Variants in TRABD2B observed in about 807,000 individuals in gnomAD.
TRABD2B encodes metalloprotease TIKI2.
TRABD2B carries 14 observed loss-of-function variants against 40.1 expected under a neutral mutation model. The ratio of observed to expected loss-of-function variants is 0.35; its 90% CI spans 0.23 to 0.55. The LOEUF is 0.55. Ranked by LOEUF, TRABD2B falls within the 20% of genes least tolerant of loss-of-function variation. The pLI, the probability that TRABD2B is intolerant of heterozygous loss-of-function variation, is 0.90. For synonymous variants in TRABD2B, 263 were observed against 277.0 expected (o/e 0.95, Z 0.50); for missense variants, 541 against 648.6 (o/e 0.83, Z 1.80).
intron 2 of TRABD2B, among the ~76,000 whole-genome samples, chr1:47,831,267 A>G (rs1465875790): frequency 6.6e-6 from 1 of 152,058 alleles, no homozygotes; most frequent in Non-Finnish European, 1.5e-5. Flanking sequence ...GGAGAGCAGA[A>G]TTATTAATAG....
At chr1:47,844,084 C>G (rs1412023755) in intron 2 of TRABD2B, among the ~76,000 whole-genome samples, 1 of 152,214 alleles carries the variant, frequency 6.6e-6, no homozygotes, top group Non-Finnish European at 1.5e-5. Context: ...GCCAAGTGCA[C>G]TGTGTTTGCT....
intron 2 of TRABD2B, among the ~76,000 whole-genome samples, chr1:47,874,570 C>CG: frequency 1.1e-5 from 1 of 89,278 alleles, no homozygotes; most frequent in African/African-American, 4.2e-5. Flanking sequence ...CCGCGCCCGG[C>CG]CTTTTTTTTT....
At chr1:47,866,138 T>G (rs1644054087) in intron 2 of TRABD2B, among the ~76,000 whole-genome samples, 1 of 151,914 alleles carries the variant, frequency 6.6e-6, no homozygotes, top group South Asian at 2.1e-4. Context: ...GCCCTGTCCA[T>G]GTGCTTGGCA....
chr1:47,993,954 C>T, intron 2 of TRABD2B, 80 bp downstream of exon 2: 6 of 1,397,866 alleles, frequency 4.3e-6, no homozygotes, highest in Non-Finnish European at 5.7e-6. Flanking sequence ...CCCCCTCCCC[C>T]TCGGAGAAGA....
chr1:47,794,895 C>T (rs1167899079), intron 3 of TRABD2B, 135 bp from the exon 4 acceptor site: 21 of 786,748 alleles, frequency 2.7e-5, no homozygotes, highest in Non-Finnish European at 3.8e-5. Context: ...ATCCTCCTGC[C>T]TCAGCCTCCC....
chr1:47,842,450 A>AG (rs900021849), intron 2 of TRABD2B, among the ~76,000 whole-genome samples: 2 of 152,072 alleles, frequency 1.3e-5, no homozygotes, highest in Non-Finnish European at 1.5e-5. Context: ...ATACCCTCCC[A>AG]GGGGGGAGGA....
At position 47,996,572 on chromosome 1, in the gene TRABD2B, G is replaced by A; in HGVS notation, c.102+116C>T. On this transcript the variant is annotated intron_variant, in intron 1 of 6. Coordinates refer to ENST00000606738, the MANE Select transcript of TRABD2B (RefSeq NM_001194986.2). This position sits in a 1 kb window ranked among gnomAD's most constrained non-coding sequence, Gnocchi z 4.6. ...AAGGGCGCCCGAGGCTGCGCCCGGG[G>A]GGTGGAGGTGGAGCGGGCGGGCTAA... 1 of 1,124,016 alleles carries A rather than the reference G, an allele frequency of 8.9e-7. No homozygotes were observed. The highest frequency in any genetic ancestry group is 1.1e-6 in the Non-Finnish European group (1 of 905,142). The allele number at this position is 1,124,016 out of a possible 1,614,324, so 69.6% of individuals were successfully genotyped here.
chr1:47,772,703 C>A (rs1428391282), intron 6 of TRABD2B, among the ~76,000 whole-genome samples: 2 of 152,138 alleles, frequency 1.3e-5, no homozygotes, highest in Admixed American at 1.3e-4. Context: ...GAGCTCTCAT[C>A]TGCTTCTCTT....
At chr1:47,902,573 T>C (rs1321078839) in intron 2 of TRABD2B, among the ~76,000 whole-genome samples, 1 of 152,228 alleles carries the variant, frequency 6.6e-6, no homozygotes, top group East Asian at 1.9e-4. Flanking sequence ...CATAGCTCAC[T>C]GCAGCTTTGA....
intron 2 of TRABD2B, among the ~76,000 whole-genome samples, chr1:47,874,193 A>G (rs1644185216): frequency 6.6e-6 from 1 of 152,094 alleles, no homozygotes; most frequent in African/African-American, 2.4e-5. Flanking sequence ...CTTAGAGATA[A>G]AAGAATTCAA....
chr1:47,865,030 G>A (rs529912997), intron 2 of TRABD2B, among the ~76,000 whole-genome samples: 1 of 150,894 alleles, frequency 6.6e-6, no homozygotes, highest in African/African-American at 2.4e-5. Flanking sequence ...TTGGGGTGGG[G>A]TGGGGTGGGG....
At chr1:47,825,896 G>A (rs919873425) in intron 2 of TRABD2B, among the ~76,000 whole-genome samples, 12 of 152,216 alleles carry the variant, frequency 7.9e-5, no homozygotes, top group Admixed American at 5.2e-4. Flanking sequence ...CTAACTTGCT[G>A]TGTGGAACTG....
At chr1:47,903,100 T>TCC (rs1341606740) in intron 2 of TRABD2B, among the ~76,000 whole-genome samples, 1 of 152,166 alleles carries the variant, frequency 6.6e-6, no homozygotes, top group Non-Finnish European at 1.5e-5. Context: ...CCTCCTCCTG[T>TCC]CCCTCAGAGC....
Position 47,964,072 on chromosome 1 carries a change from C to A in TRABD2B, c.666+29962G>T, listed in dbSNP as rs572116871. 1.5e-4 allele frequency among the ~76,000 whole-genome samples: 23 copies of A among 152,288 alleles called. 1 individual carries two copies. In the South Asian group the frequency reaches 4.6e-3, roughly 30 times the overall value. ...AGTGTTGTTTTTTTCCCCCTACATT[C>A]CCCCTGCTTAAACAAACCCTGGTGA... On this transcript the variant is annotated intron_variant, in intron 2 of 6. Transcript: ENST00000606738.
chr1:47,960,766 C>T lies in TRABD2B; in HGVS notation c.666+33268G>A, dbSNP rs569895142. Reference sequence around the variant, plus strand: ...GCTCATGGATAGGAAGAATCAATATCGTGAAAATGGCCATACTGCCCAAGG... The same window carrying T: ...GCTCATGGATAGGAAGAATCAATATTGTGAAAATGGCCATACTGCCCAAGG... On this transcript the variant is annotated intron_variant, in intron 2 of 6. Transcript: ENST00000606738. Among the ~76,000 whole-genome samples the T allele has an allele frequency of 3.3e-5, 5 of 152,184 alleles. No individual in the cohort carries two copies. The South Asian group carries it at 6.2e-4, about 19-fold the overall frequency.
intron 2 of TRABD2B, among the ~76,000 whole-genome samples, chr1:47,846,747 G>A (rs1165616289): frequency 6.6e-6 from 1 of 152,092 alleles, no homozygotes; most frequent in East Asian, 1.9e-4. Flanking sequence ...GTTGGAACAT[G>A]GACAATGGGT....
chr1:47,856,387 T>C (rs1048501004), intron 2 of TRABD2B, among the ~76,000 whole-genome samples: 1 of 152,182 alleles, frequency 6.6e-6, no homozygotes, highest in African/African-American at 2.4e-5. Context: ...CATGAGAGTG[T>C]GAAGTGAAAA....
At chr1:47,808,761 C>T (rs1261136416) in intron 2 of TRABD2B, among the ~76,000 whole-genome samples, 2 of 152,178 alleles carry the variant, frequency 1.3e-5, no homozygotes, top group Non-Finnish European at 2.9e-5. Flanking sequence ...GTCCAGCTGG[C>T]AGGTCTGGGT....
At chr1:47,855,439 T>C (rs1293496120) in intron 2 of TRABD2B, among the ~76,000 whole-genome samples, 1 of 152,244 alleles carries the variant, frequency 6.6e-6, no homozygotes, top group Non-Finnish European at 1.5e-5. Context: ...GCATAAACAG[T>C]ATGGGATATC....
Sources: allele counts gnomAD v4.1 joint callset (sites outside exome capture counted in the v4.1 genomes callset), GRCh38; gene constraint gnomAD v4.1.1; non-coding constraint Gnocchi (gnomAD v3.1); transcripts MANE v1.5; gene names NCBI Gene and HGNC (gene_info 2026-07-23, HGNC 2026-07-21).